Variants in GRIK4 observed in about 807,000 individuals in gnomAD.
GRIK4 encodes glutamate receptor ionotropic, kainate 4.
GRIK4 carries 40 observed loss-of-function variants against 104.9 expected under a neutral mutation model. That is an observed-to-expected ratio of 0.38 (90% CI 0.30 to 0.50). The LOEUF is 0.50. Among genes scored for constraint, GRIK4 ranks in the 20% least tolerant of loss-of-function variants. The pLI is 0.93. For missense variants in GRIK4, 1,047 were observed against 1,308.1 expected (o/e 0.80, Z 3.08); for synonymous variants, 485 against 524.9 (o/e 0.92, Z 1.04).
chr11:120,670,758 A>G (rs971974911), intron 3 of GRIK4, among the ~76,000 whole-genome samples: 6 of 152,072 alleles, frequency 3.9e-5, no homozygotes, highest in East Asian at 1.9e-4. Flanking sequence ...CAGAATGTGC[A>G]GGTTTGTTAC....
intron 8 of GRIK4, among the ~76,000 whole-genome samples, chr11:120,838,271 A>G (rs1953626875): frequency 6.6e-6 from 1 of 152,204 alleles, no homozygotes. Flanking sequence ...GACTCTCTGA[A>G]CCACAGTTTT....
At chr11:120,747,095 C>T (rs1056394997) in intron 3 of GRIK4, among the ~76,000 whole-genome samples, 1 of 152,184 alleles carries the variant, frequency 6.6e-6, no homozygotes, top group Admixed American at 6.5e-5. Context: ...ATAACAGGTG[C>T]GTGCTGTCGC....
chr11:120,683,194 T>A (rs1444053933), intron 3 of GRIK4, among the ~76,000 whole-genome samples: 1 of 152,176 alleles, frequency 6.6e-6, no homozygotes, highest in Non-Finnish European at 1.5e-5. Context: ...TGGCTTTAGG[T>A]ACTATTTCAT....
intron 3 of GRIK4, among the ~76,000 whole-genome samples, chr11:120,673,229 A>G (rs1194928403): frequency 2.6e-5 from 4 of 152,172 alleles, no homozygotes; most frequent in Non-Finnish European, 5.9e-5. Context: ...CCCAGCACTT[A>G]AGACTGAGTG....
chr11:120,960,226 G>C (rs1305205249), intron 16 of GRIK4, among the ~76,000 whole-genome samples: 3 of 152,154 alleles, frequency 2.0e-5, no homozygotes, highest in African/African-American at 7.2e-5. Flanking sequence ...CTACTCAGGA[G>C]GCCGAGGCAG....
At chr11:120,547,100 C>T (rs139114185) in intron 1 of GRIK4, among the ~76,000 whole-genome samples, 752 of 152,290 alleles carry the variant, frequency 4.9e-3, no homozygotes, top group Middle Eastern at 0.02. Flanking sequence ...AGTTCCTTTG[C>T]GTGGACAGTC....
chr11:120,792,716 C>T (rs140659264), intron 3 of GRIK4, among the ~76,000 whole-genome samples: 183 of 152,164 alleles, frequency 1.2e-3, no homozygotes, highest in Non-Finnish European at 1.9e-3. Flanking sequence ...ATTAACTAAA[C>T]GTAGGAATGT....
At chr11:120,881,757 C>G (rs1174886522) in intron 11 of GRIK4, among the ~76,000 whole-genome samples, 3 of 152,254 alleles carry the variant, frequency 2.0e-5, no homozygotes, top group Non-Finnish European at 2.9e-5. Context: ...CAAGCCCACA[C>G]AGAGGCAGCT....
intron 1 of GRIK4, among the ~76,000 whole-genome samples, chr11:120,596,439 TG>T (rs1254559317): frequency 6.6e-6 from 1 of 152,058 alleles, no homozygotes; most frequent in East Asian, 1.9e-4. Context: ...AAGTAGAAGA[TG>T]GGGTGTTAGG....
chr11:120,594,906 T>C (rs1327283523), intron 1 of GRIK4, among the ~76,000 whole-genome samples: 3 of 152,192 alleles, frequency 2.0e-5, no homozygotes, highest in Non-Finnish European at 4.4e-5. Context: ...GATGCCTGCA[T>C]GCGTCCTTCC....
intron 7 of GRIK4, among the ~76,000 whole-genome samples, chr11:120,834,263 GGTGTGTGTGT>G (rs141196181): frequency 1.2e-4 from 18 of 145,992 alleles, no homozygotes; most frequent in East Asian, 1.0e-3. Context: ...ACACTTTATA[GGTGTGTGTGT>G]GTGTGTGTGT....
At chr11:120,666,037 T>C (rs1398791956) in intron 3 of GRIK4, among the ~76,000 whole-genome samples, 1 of 152,180 alleles carries the variant, frequency 6.6e-6, no homozygotes, top group Non-Finnish European at 1.5e-5. Flanking sequence ...AGATATTCCG[T>C]TTTACAGATA....
At position 120,529,335 on chromosome 11, in the gene GRIK4, G is replaced by A. The variant is rs114319109; in HGVS notation, c.-159+17448G>A. On this transcript the variant is annotated intron_variant, in intron 1 of 20. Transcript: ENST00000527524. ...CCAAATATTTGTTGAAAGAAGCAAAGCGATCGAGCACCAAAGAGAGGAGCA... is the reference window on the plus strand; with the variant it reads ...CCAAATATTTGTTGAAAGAAGCAAAACGATCGAGCACCAAAGAGAGGAGCA... 4.5e-3 allele frequency among the ~76,000 whole-genome samples: 687 copies of A among 152,290 alleles called. 8 individuals carry two copies. The highest frequency in any genetic ancestry group is 0.016 in the African/African-American group (657 of 41,558).
chr11:120,921,243 A>G (rs9665960), intron 13 of GRIK4, among the ~76,000 whole-genome samples: 4,279 of 152,280 alleles, frequency 0.028, 228 homozygotes, highest in African/African-American at 0.097. Context: ...GTCTCCGCTC[A>G]CTAGAATGTA....
chr11:120,915,307 G>T (rs75382773), intron 13 of GRIK4, among the ~76,000 whole-genome samples: 2,643 of 152,286 alleles, frequency 0.017, 74 homozygotes, highest in African/African-American at 0.06. Flanking sequence ...TTCATTGTGA[G>T]TTCCCAAAAG....
At position 120,752,474 on chromosome 11, in the gene GRIK4, T is replaced by C. The variant is rs561271913; in HGVS notation, c.83-50219T>C. Among the ~76,000 whole-genome samples the C allele has an allele frequency of 2.1e-4, 32 of 152,242 alleles. No homozygotes were observed. The East Asian group carries it at 3.7e-3, about 18-fold the overall frequency. ...TGTCTAAGAGCTGTTACAAAAGCCA[T>C]AGTGACCCCAGCTTGGGTGGGAAAT... On this transcript the variant is annotated intron_variant, in intron 3 of 20. Transcript: ENST00000527524.
intron 19 of GRIK4, among the ~76,000 whole-genome samples, chr11:120,975,605 C>T (rs946732941): frequency 2.6e-5 from 4 of 152,088 alleles, no homozygotes; most frequent in Admixed American, 6.6e-5. Context: ...TTCAAACATG[C>T]GATGTCATGT....
chr11:120,805,780 C>T (rs748544014), intron 4 of GRIK4, among the ~76,000 whole-genome samples: 2 of 152,074 alleles, frequency 1.3e-5, no homozygotes, highest in Non-Finnish European at 2.9e-5. Flanking sequence ...GTGGCTTAAG[C>T]GCCTACCACC....
chr11:120,983,162 C>T (rs757075468), intron 20 of GRIK4, among the ~76,000 whole-genome samples: 1 of 152,220 alleles, frequency 6.6e-6, no homozygotes, highest in Non-Finnish European at 1.5e-5. Context: ...TGTCTTTCCT[C>T]AGCTGCTCCA....
Sources: allele counts gnomAD v4.1 joint callset (sites outside exome capture counted in the v4.1 genomes callset), GRCh38; gene constraint gnomAD v4.1.1; transcripts MANE v1.5; gene names NCBI Gene and HGNC (gene_info 2026-07-23, HGNC 2026-07-21).